ASPG: variants seen among roughly 807,000 people sequenced by gnomAD.
ASPG encodes the protein 60 kDa lysophospholipase.
ASPG carries 53 observed loss-of-function variants against 63.2 expected under a neutral mutation model. That is an observed-to-expected ratio of 0.84 (90% confidence interval 0.67 to 1.05). The LOEUF (loss-of-function observed/expected upper bound fraction) is 1.05. Among genes scored for constraint, ASPG ranks in the 50% least tolerant of loss-of-function variants. The pLI is 0.00. For synonymous variants in ASPG, 370 were observed against 355.0 expected (o/e 1.04, Z -0.48); for missense variants, 741 against 794.4 (o/e 0.93, Z 0.81).
chr14:104,092,899 G>T lies in ASPG; in HGVS notation c.191+158G>T, dbSNP rs1442930761. 4.7e-6 allele frequency: 3 copies of T among 632,180 alleles called. No homozygotes were observed. In the East Asian group the frequency reaches 8.3e-5, roughly 17 times the overall value. The allele number at this position is 632,180 out of a possible 1,614,324, so 39.2% of individuals were successfully genotyped here. ...AGGGCTTTAGGACTGACCAGCAGTC[G>T]CCTTCCACCAGAGCCTGAACCTCTG... On this transcript the variant is annotated intron_variant, in intron 2 of 15. Coordinates refer to ENST00000551177, the MANE Select transcript of ASPG (RefSeq NM_001080464.3).
intron 10 of ASPG, 44 bp downstream of exon 10, chr14:104,105,494 G>A (rs781204463): frequency 1.3e-6 from 2 of 1,500,470 alleles, no homozygotes; most frequent in Middle Eastern, 2.2e-4. Flanking sequence ...TGGGGACTGT[G>A]CACCCTCTTG....
Position 104,097,681 on chromosome 14 carries a change from G to T in ASPG, c.513+44G>T, listed in dbSNP as rs1360450350. 1.5e-5 allele frequency: 23 copies of T among 1,536,108 alleles called. No homozygotes were observed. In the Middle Eastern group the frequency reaches 6.3e-4, roughly 42 times the overall value. The stretch of plus-strand genomic sequence containing the variant: ...TGGAGGCGGGGCAGGTGGGGTGGGG[G>T]CAGGAGCCCAGACAGCAGCCAGGAA... On this transcript the variant is annotated intron_variant, in intron 5 of 15. Coordinates refer to ENST00000551177, the MANE Select transcript of ASPG (RefSeq NM_001080464.3).
chr14:104,094,360 A>C (rs1020863375), intron 3 of ASPG, among the ~76,000 whole-genome samples: 3 of 151,828 alleles, frequency 2.0e-5, no homozygotes, highest in Admixed American at 6.6e-5. Context: ...GATTTAGTGG[A>C]GTCTTGGTTG....
In ASPG at chr14:104,110,949, T is replaced by C. The variant is rs2037358544; in HGVS notation, c.1521-553T>C. Reference sequence around the variant, plus strand: ...CCCTGTCCCAGCCAGGACCCCCCCATGCAGTCTGCCGGGGTCCAGGGCCAA... The same window carrying C: ...CCCTGTCCCAGCCAGGACCCCCCCACGCAGTCTGCCGGGGTCCAGGGCCAA... On this transcript the variant is annotated intron_variant, in intron 13 of 15. Transcript: ENST00000551177. The surrounding 1 kb of genome is among the most constrained non-coding windows in gnomAD (Gnocchi z 4.7). 1 of 985,242 alleles carries C rather than the reference T, an allele frequency of 1.0e-6. No individual in the cohort carries two copies. Among genetic ancestry groups the C allele is most frequent in the Non-Finnish European group, 1.2e-6 (1 of 829,894 alleles). 61.0% of individuals were successfully genotyped at this position (985,242 alleles called of 1,614,324 possible).
intron 11 of ASPG, 106 bp downstream of exon 11, chr14:104,107,000 C>A: frequency 1.5e-6 from 2 of 1,319,578 alleles, no homozygotes; most frequent in Non-Finnish European, 2.1e-6. Flanking sequence ...CCACACTAAG[C>A]CCTTGTCAGC....
In ASPG at chr14:104,106,729, C is replaced by A; in HGVS notation, c.1174-70C>A. ...GGGGGCTGGCAGGGGTCATACAGCA[C>A]CGGGGACTGCCAGTTCCACCAGATG... On this transcript the variant is annotated intron_variant, in intron 10 of 15. Coordinates refer to ENST00000551177, the MANE Select transcript of ASPG (RefSeq NM_001080464.3). 2.9e-6 allele frequency: 4 copies of A among 1,386,716 alleles called. No individual in the cohort carries two copies. The South Asian group carries it at 5.1e-5, about 18-fold the overall frequency. The allele number at this position is 1,386,716 out of a possible 1,614,324, so 85.9% of individuals were successfully genotyped here.
chr14:104,098,823 G>T, intron 5 of ASPG, 30 bp from the exon 6 acceptor site: 4 of 1,609,102 alleles, frequency 2.5e-6, no homozygotes, highest in Non-Finnish European at 3.4e-6. Context: ...GGTGGCCGCT[G>T]CTCTGAACTC....
intron 1 of ASPG, 119 bp from the exon 2 acceptor site, chr14:104,092,514 C>G (rs2036398421): frequency 4.7e-6 from 4 of 847,688 alleles, no homozygotes; most frequent in Middle Eastern, 6.9e-4. Context: ...CTCCCAGCCT[C>G]TGACTGTCAT....
At chr14:104,105,006 G>C (rs1277777257) in intron 9 of ASPG, 2 of 572,888 alleles carry the variant, frequency 3.5e-6, no homozygotes, top group African/African-American at 3.8e-5. Flanking sequence ...CCTAACTGTC[G>C]CCAGGAAATC....
chr14:104,092,854 C>G, intron 2 of ASPG, 113 bp downstream of exon 2: 1 of 842,932 alleles, frequency 1.2e-6, no homozygotes, highest in Non-Finnish European at 1.9e-6. Flanking sequence ...ACCCCTGTCT[C>G]TAACATCCCC....
chr14:104,093,388 C>T (rs2036438414), intron 2 of ASPG, 103 bp from the exon 3 acceptor site: 6 of 1,124,300 alleles, frequency 5.3e-6, no homozygotes, highest in Non-Finnish European at 6.7e-6. Flanking sequence ...CGTAGGGGCC[C>T]CAGCTCTGCC....
At chr14:104,107,592 G>A (rs1033189194) in intron 12 of ASPG, among the ~76,000 whole-genome samples, 21 of 152,336 alleles carry the variant, frequency 1.4e-4, no homozygotes, top group African/African-American at 4.8e-4. Context: ...ATGGGGGGCT[G>A]GGGTGGAGGT....
Position 104,104,707 on chromosome 14 carries a change from C to T in ASPG, c.1022C>T (p.Pro341Leu), listed in dbSNP as rs757604418. 9.3e-5 allele frequency: 150 copies of T among 1,606,002 alleles called. No homozygotes were observed. The highest frequency in any genetic ancestry group is 1.2e-4 in the Non-Finnish European group (144 of 1,175,296). The change falls in exon 9 of 16, where the codon CCA becomes CTA. Residue 341 changes from proline to leucine, a missense_variant. Coordinates refer to ENST00000551177, the MANE Select transcript of ASPG (RefSeq NM_001080464.3). ...AAGCTATCGTATGTGCTGGGCCAGCCAGGGCTGAGCCTGGATGTCAGGAAG... is the reference window on the plus strand; with the variant it reads ...AAGCTATCGTATGTGCTGGGCCAGCTAGGGCTGAGCCTGGATGTCAGGAAG... ...LAKLSYVLGQ[P>L]GLSLDVRKEL...
At chr14:104,096,832 A>G (rs147158062) in intron 4 of ASPG, among the ~76,000 whole-genome samples, 1,809 of 151,928 alleles carry the variant, frequency 0.012, 21 homozygotes, top group South Asian at 0.043. Flanking sequence ...CAGGACTGCC[A>G]CCCCCTGCCA....
chr14:104,092,088 G>T (rs2140981727), intron 1 of ASPG, among the ~76,000 whole-genome samples: 1 of 152,246 alleles, frequency 6.6e-6, no homozygotes, highest in South Asian at 2.1e-4. Context: ...GAGTCACACA[G>T]TCCGTGCCCT....
Position 104,092,623 on chromosome 14 carries a change from C to T in ASPG, c.83-10C>T. On this transcript the variant is annotated splice_polypyrimidine_tract_variant and intron_variant, in intron 1 of 15. Transcript: ENST00000551177. ...CCTGACCCCAGCATCCACCTGGACT[C>T]TGCCTGCAGTGCTTGTGCCCGGGAC... The T allele has an allele frequency of 6.5e-7, 1 of 1,533,802 alleles. No homozygotes were observed. Among genetic ancestry groups the T allele is most frequent in the Non-Finnish European group, 8.7e-7 (1 of 1,145,882 alleles).
At chr14:104,101,256 C>T (rs1412966291) in intron 6 of ASPG, among the ~76,000 whole-genome samples, 1 of 152,102 alleles carries the variant, frequency 6.6e-6, no homozygotes, top group African/African-American at 2.4e-5. Flanking sequence ...GCTGGGGCCC[C>T]TGGGGAGGGG....
rs989745161 is a variant in ASPG at position 104,092,755 on chromosome 14, C to T, written c.191+14C>T. 3.5e-5 allele frequency: 53 copies of T among 1,530,820 alleles called. No individual in the cohort carries two copies. The highest frequency in any genetic ancestry group is 4.1e-5 in the Non-Finnish European group (47 of 1,142,812). The allele number at this position is 1,530,820 out of a possible 1,614,324, so 94.8% of individuals were successfully genotyped here. A position where few individuals can be genotyped will look rare whatever the true frequency, so the allele number is the denominator to read the frequency against. On this transcript the variant is annotated intron_variant, in intron 2 of 15. Coordinates refer to ENST00000551177, the MANE Select transcript of ASPG (RefSeq NM_001080464.3). ...CCTGGTGCTACCGTGAGTGTGGGCTCCTCCCAGTCCCGGACAGGGCATGGC... is the reference window on the plus strand; with the variant it reads ...CCTGGTGCTACCGTGAGTGTGGGCTTCTCCCAGTCCCGGACAGGGCATGGC...
chr14:104,086,355 G>A (rs1170400899), intron 1 of ASPG, among the ~76,000 whole-genome samples: 4 of 152,186 alleles, frequency 2.6e-5, no homozygotes, highest in Non-Finnish European at 5.9e-5. Context: ...GGCATCTGCG[G>A]GGACGCACGT....
Sources: allele counts gnomAD v4.1 joint callset (sites outside exome capture counted in the v4.1 genomes callset), GRCh38; gene constraint gnomAD v4.1.1; non-coding constraint Gnocchi (gnomAD v3.1); transcripts MANE v1.5; gene names NCBI Gene and HGNC (gene_info 2026-07-23, HGNC 2026-07-21).